PYGO1: variants seen among roughly 807,000 people sequenced by gnomAD.
PYGO1 encodes pygopus family PHD finger 1, also known as pygopus homolog 1.
In PYGO1, 6 loss-of-function variants were observed where a neutral mutation model predicts 29.5. The ratio of observed to expected loss-of-function variants is 0.20; its 90% CI spans 0.11 to 0.40. PYGO1 has a LOEUF of 0.40. Among genes scored for constraint, PYGO1 ranks in the 10% least tolerant of loss-of-function variants. The pLI is 1.00. For synonymous variants in PYGO1, 186 were observed against 180.5 expected, an observed-to-expected ratio of 1.03 and a Z score of -0.24; for missense variants, 515 against 514.9, an observed-to-expected ratio of 1.00 and a Z score of 0.00.
At chr15:55,549,337 T>G (rs2058868645) in intron 1 of PYGO1, among the ~76,000 whole-genome samples, 1 of 152,170 alleles carries the variant, frequency 6.6e-6, no homozygotes, top group Non-Finnish European at 1.5e-5. Context: ...TTAAAGTATA[T>G]TATTATTATT....
chr15:55,574,814 C>A (rs890702609), intron 1 of PYGO1, among the ~76,000 whole-genome samples: 1 of 152,130 alleles, frequency 6.6e-6, no homozygotes, highest in African/African-American at 2.4e-5. Flanking sequence ...TAAATTGAGT[C>A]CAAGTATCTT....
chr15:55,581,387 A>T (rs967028434), intron 1 of PYGO1, among the ~76,000 whole-genome samples: 7 of 152,336 alleles, frequency 4.6e-5, no homozygotes, highest in Middle Eastern at 3.4e-3. Context: ...AGTGTGAAGA[A>T]TAGAGGACTA....
intron 1 of PYGO1, among the ~76,000 whole-genome samples, chr15:55,561,708 C>T (rs181975529): frequency 7.9e-5 from 12 of 152,224 alleles, no homozygotes; most frequent in Admixed American, 7.2e-4. Context: ...AAAATTAACT[C>T]AGGATGGATT....
Position 55,546,884 on chromosome 15 carries a change from C to A in PYGO1, c.399G>T (p.Gln133His). Residue 133 changes from glutamine to histidine, a missense_variant, in exon 3 of 3, where the codon CAG (glutamine) becomes CAT (histidine). Coordinates refer to ENST00000563719, the MANE Select transcript of PYGO1 (RefSeq NM_001367806.1). ...SLRNQPHPFPQNPLGMGFNRP... is the reference protein window; with the variant it reads ...SLRNQPHPFPHNPLGMGFNRP... ...GATTAAAACCCATGCCCAGAGGATT[C>A]TGAGGAAATGGGTGTGGCTGGTTCC... The A allele has an allele frequency of 6.2e-7, 1 of 1,614,042 alleles. No individual in the cohort carries two copies. The highest frequency in any genetic ancestry group is 8.5e-7 in the Non-Finnish European group (1 of 1,180,006).
chr15:55,588,073 G>T lies in PYGO1; in HGVS notation c.-190C>A, dbSNP rs1223531462. ...TGGGAGGAGGACGAGGCCTCGGGGC[G>T]GCGGGGCGGCGGGGCGGCGTGCGGG... On this transcript the variant is annotated 5_prime_UTR_variant, in exon 1 of 3. Transcript: ENST00000563719. 9.4e-7 allele frequency: 1 copy of T among 1,065,442 alleles called. No homozygotes were observed. Among genetic ancestry groups the T allele is most frequent in the Non-Finnish European group, 1.1e-6 (1 of 881,892 alleles). 66.0% of individuals were successfully genotyped at this position (1,065,442 alleles called of 1,614,324 possible). A position where few individuals can be genotyped will look rare whatever the true frequency, so the allele number is the denominator to read the frequency against.
chr15:55,539,511 GAATT>G lies in PYGO1; in HGVS notation c.*6508_*6511del, dbSNP rs750331336. 2 of 151,900 alleles carry G rather than the reference GAATT, an allele frequency of 1.3e-5. No homozygotes were observed. Among genetic ancestry groups the G allele is most frequent in the Non-Finnish European group, 2.9e-5 (2 of 67,928 alleles). 9.4% of individuals were successfully genotyped at this position (151,900 alleles called of 1,614,324 possible). On this transcript the variant is annotated 3_prime_UTR_variant, in exon 3 of 3. Coordinates refer to ENST00000563719, the MANE Select transcript of PYGO1 (RefSeq NM_001367806.1). ...TAAATTTTTCCACAAAGCAGTTCAT[GAATT>G]AATAATACTTCTTTAGACGTCTATG...
At chr15:55,567,967 C>A (rs1173406406) in intron 1 of PYGO1, among the ~76,000 whole-genome samples, 1 of 152,172 alleles carries the variant, frequency 6.6e-6, no homozygotes, top group African/African-American at 2.4e-5. Context: ...CAGTACCATG[C>A]TGTTTTTGAT....
chr15:55,557,354 G>A (rs1258583537), intron 1 of PYGO1, among the ~76,000 whole-genome samples: 1 of 152,226 alleles, frequency 6.6e-6, no homozygotes, highest in South Asian at 2.1e-4. Flanking sequence ...ATAATTAATA[G>A]CCTACCAACC....
chr15:55,570,456 A>G (rs2058975627), intron 1 of PYGO1, among the ~76,000 whole-genome samples: 1 of 151,974 alleles, frequency 6.6e-6, no homozygotes, highest in Non-Finnish European at 1.5e-5. Flanking sequence ...GGGAGCTAAT[A>G]TTCCTTGCCA....
chr15:55,560,091 A>G (rs918905464), intron 1 of PYGO1, among the ~76,000 whole-genome samples: 7 of 152,164 alleles, frequency 4.6e-5, no homozygotes, highest in Non-Finnish European at 8.8e-5. Flanking sequence ...TGAATGGGCA[A>G]AAGCTGGAAG....
chr15:55,568,825 T>C (rs966772704), intron 1 of PYGO1, among the ~76,000 whole-genome samples: 7 of 152,160 alleles, frequency 4.6e-5, no homozygotes, highest in African/African-American at 1.7e-4. Flanking sequence ...ATCAAAAGCT[T>C]TTTTCATGTC....
intron 1 of PYGO1, among the ~76,000 whole-genome samples, chr15:55,558,397 A>G (rs2058916896): frequency 2.6e-5 from 4 of 152,116 alleles, no homozygotes; most frequent in African/African-American, 7.2e-5. Flanking sequence ...GGAAGAATCA[A>G]TATCGTGAAA....
chr15:55,581,807 G>C (rs768771325), intron 1 of PYGO1, among the ~76,000 whole-genome samples: 7 of 64,044 alleles, frequency 1.1e-4, no homozygotes, highest in Non-Finnish European at 2.2e-4. Flanking sequence ...GGGACTAAGG[G>C]GGAGGCCATG....
chr15:55,581,861 A>T (rs2059026174), intron 1 of PYGO1, among the ~76,000 whole-genome samples: 1 of 152,138 alleles, frequency 6.6e-6, no homozygotes, highest in African/African-American at 2.4e-5. Context: ...GATAAGCAAA[A>T]CCTAAAATAA....
Position 55,548,993 on chromosome 15 carries a change from C to T in PYGO1, c.52G>A (p.Gly18Ser). The T allele has an allele frequency of 6.3e-7, 1 of 1,593,862 alleles. No homozygotes were observed. ...CCTAACCCATCCAGTCCACTATCACCACCTAAAAAAAAAAAAATTCAGGTA... is the reference window on the plus strand; with the variant it reads ...CCTAACCCATCCAGTCCACTATCACTACCTAAAAAAAAAAAAATTCAGGTA... Reference protein sequence around the residue: ...DPISLKRVRGGDSGLDGLGGP... With the variant: ...DPISLKRVRGSDSGLDGLGGP... Residue 18 changes from glycine to serine, a missense_variant and splice_region_variant, in exon 2 of 3, where the codon GGT becomes AGT. By Grantham distance (56) the Gly-to-Ser change is moderately conservative. Transcript: ENST00000563719.
At chr15:55,559,683 T>A (rs955580926) in intron 1 of PYGO1, among the ~76,000 whole-genome samples, 14 of 152,174 alleles carry the variant, frequency 9.2e-5, no homozygotes, top group Non-Finnish European at 2.1e-4. Flanking sequence ...CCCTAACTCA[T>A]TTTATGAGGC....
intron 1 of PYGO1, among the ~76,000 whole-genome samples, chr15:55,550,188 T>G (rs189682822): frequency 6.6e-6 from 1 of 152,188 alleles, no homozygotes; most frequent in African/African-American, 2.4e-5. Flanking sequence ...TATACTTCCC[T>G]CCATCCTGTT....
Position 55,547,205 on chromosome 15 carries a change from G to A in PYGO1, c.136-58C>T, listed in dbSNP as rs112707657. On this transcript the variant is annotated intron_variant, in intron 2 of 2. Coordinates refer to ENST00000563719, the MANE Select transcript of PYGO1 (RefSeq NM_001367806.1). The stretch of plus-strand genomic sequence containing the variant: ...TTCGATCAAATACATTATTAAAATT[G>A]TCCTGTTACCTTAATACCTGTGAAC... The A allele has an allele frequency of 3.4e-5, 48 of 1,431,916 alleles. No individual in the cohort carries two copies. In the Admixed American group the frequency reaches 9.7e-4, roughly 29 times the overall value. The allele number at this position is 1,431,916 out of a possible 1,614,324, so 88.7% of individuals were successfully genotyped here. A position where few individuals can be genotyped will look rare whatever the true frequency, so the allele number is the denominator to read the frequency against.
At chr15:55,565,176 A>G (rs1006775968) in intron 1 of PYGO1, among the ~76,000 whole-genome samples, 2 of 151,988 alleles carry the variant, frequency 1.3e-5, no homozygotes, top group African/African-American at 4.8e-5. Flanking sequence ...AGCCCAATCG[A>G]GGGATTAACA....
Sources: allele counts gnomAD v4.1 joint callset (sites outside exome capture counted in the v4.1 genomes callset), GRCh38; gene constraint gnomAD v4.1.1; transcripts MANE v1.5; gene names NCBI Gene and HGNC (gene_info 2026-07-23, HGNC 2026-07-21).